Variants in EPB41L4B observed in about 807,000 individuals in gnomAD.
EPB41L4B encodes band 4.1-like protein 4B.
EPB41L4B carries 30 observed loss-of-function variants against 112.5 expected under a neutral mutation model. That is an observed-to-expected ratio of 0.27 (90% CI 0.20 to 0.36). EPB41L4B has a LOEUF of 0.36. EPB41L4B is among the 10% of genes least tolerant of loss of function. The pLI is 1.00. For missense variants in EPB41L4B, 1,024 were observed against 1,133.3 expected, an observed-to-expected ratio of 0.90 and a Z score of 1.38; for synonymous variants, 408 against 439.7, an observed-to-expected ratio of 0.93 and a Z score of 0.90.
chr9:109,189,692 G>A (rs933766760), intron 22 of EPB41L4B, among the ~76,000 whole-genome samples: 2 of 152,182 alleles, frequency 1.3e-5, no homozygotes, highest in Middle Eastern at 3.4e-3. Flanking sequence ...GCAATGGCGC[G>A]ATCTCGGCTC....
chr9:109,249,930 C>T lies in EPB41L4B; in HGVS notation c.1310+1551G>A, dbSNP rs73529375. 5.3e-3 allele frequency among the ~76,000 whole-genome samples: 806 copies of T among 152,234 alleles called. 5 individuals carry two copies. Among genetic ancestry groups the T allele is most frequent in the African/African-American group, 0.019 (785 of 41,530 alleles). ...AAAGTAGGATTTGGAATCAGAGATG[C>T]GAGGTTGAGTTTCCAGCTGTGTAAT... On this transcript the variant is annotated intron_variant, in intron 13 of 25. Coordinates refer to ENST00000374566, the MANE Select transcript of EPB41L4B (RefSeq NM_019114.5).
At chr9:109,308,623 T>C (rs1307638844) in intron 1 of EPB41L4B, among the ~76,000 whole-genome samples, 1 of 152,212 alleles carries the variant, frequency 6.6e-6, no homozygotes, top group East Asian at 1.9e-4. Flanking sequence ...TGAAGTCTTG[T>C]GATGTTGCCC....
rs186726654 is a variant in EPB41L4B at position 109,240,326 on chromosome 9, G to T, written c.1409+3292C>A. The T allele has an allele frequency of 4.1e-6, 4 of 985,416 alleles. No homozygotes were observed. The African/African-American group carries it at 7.0e-5, about 17-fold the overall frequency. The allele number at this position is 985,416 out of a possible 1,614,324, so 61.0% of individuals were successfully genotyped here. A position where few individuals can be genotyped will look rare whatever the true frequency, so the allele number is the denominator to read the frequency against. On this transcript the variant is annotated intron_variant, in intron 15 of 25. Coordinates refer to ENST00000374566, the MANE Select transcript of EPB41L4B (RefSeq NM_019114.5). ...CAAATGCCTTAGGGAGAGTTTATAG[G>T]TAGTCAGCTCCACTGTGCAAGGTAT... is the stretch of plus-strand genomic sequence containing the variant.
chr9:109,191,590 C>T (rs1832463146), intron 22 of EPB41L4B, among the ~76,000 whole-genome samples: 1 of 152,226 alleles, frequency 6.6e-6, no homozygotes. Flanking sequence ...CCTTTCTCAT[C>T]TCAGCCTGTT....
rs1462250908 is a variant in EPB41L4B, at chr9:109,173,532, T to C, written c.*1022A>G. ...CCCATGTTACATGGATATAAAGACATTTAAATTGGTGAGAGTAGAATCTGT... is the reference window on the plus strand; with the variant it reads ...CCCATGTTACATGGATATAAAGACACTTAAATTGGTGAGAGTAGAATCTGT... On this transcript the variant is annotated 3_prime_UTR_variant, in exon 26 of 26. Transcript: ENST00000374566. 6.6e-6 allele frequency: 1 copy of C among 152,486 alleles called. No homozygotes were observed. Among genetic ancestry groups the C allele is most frequent in the African/African-American group, 2.4e-5 (1 of 41,392 alleles). The allele number at this position is 152,486 out of a possible 1,614,324, so 9.4% of individuals were successfully genotyped here.
chr9:109,218,126 C>T lies in EPB41L4B; in HGVS notation c.1410-981G>A, dbSNP rs199909694. On this transcript the variant is annotated intron_variant, in intron 15 of 25. Coordinates refer to ENST00000374566, the MANE Select transcript of EPB41L4B (RefSeq NM_019114.5). The stretch of plus-strand genomic sequence containing the variant: ...GAATATATCTCTAATACTAATAATT[C>T]TTTTTTTTTTTTTTTTTTTGGCAGT... 4.6e-3 allele frequency among the ~76,000 whole-genome samples: 495 copies of T among 106,538 alleles called. 1 individual carries two copies. Among genetic ancestry groups the T allele is most frequent in the Middle Eastern group, 7.0e-3 (1 of 142 alleles). The allele number at this position is 106,538 out of a possible 152,430, so 69.9% of individuals were successfully genotyped here.
chr9:109,276,650 G>T (rs1243707104), intron 2 of EPB41L4B, among the ~76,000 whole-genome samples: 5 of 152,200 alleles, frequency 3.3e-5, no homozygotes, highest in Non-Finnish European at 5.9e-5. Flanking sequence ...CCTGTATCCT[G>T]CTGTGAACAC....
At chr9:109,182,871 C>G in intron 23 of EPB41L4B, 74 bp from the exon 24 acceptor site, 1 of 1,105,376 alleles carries the variant, frequency 9.0e-7, no homozygotes, top group Non-Finnish European at 1.4e-6. Flanking sequence ...GGCAGCGCAC[C>G]TTTAAAATGG....
chr9:109,302,357 T>C (rs1215312797), intron 1 of EPB41L4B, among the ~76,000 whole-genome samples: 2 of 152,220 alleles, frequency 1.3e-5, no homozygotes, highest in Admixed American at 6.5e-5. Context: ...CAGGTCTGTG[T>C]CCACATTTCT....
At chr9:109,283,884 C>T (rs1027481144) in intron 1 of EPB41L4B, among the ~76,000 whole-genome samples, 8 of 149,600 alleles carry the variant, frequency 5.3e-5, no homozygotes, top group Non-Finnish European at 1.0e-4. Context: ...GCCAGGAGTT[C>T]GAGATCAGCC....
chr9:109,258,392 G>T, intron 6 of EPB41L4B, 95 bp from the exon 7 acceptor site: 2 of 1,335,952 alleles, frequency 1.5e-6, no homozygotes, highest in Non-Finnish European at 2.1e-6. Context: ...TCATTATAAA[G>T]CACAGCCCCC....
At chr9:109,317,200 G>A (rs1837666285) in intron 1 of EPB41L4B, among the ~76,000 whole-genome samples, 1 of 152,158 alleles carries the variant, frequency 6.6e-6, no homozygotes, top group African/African-American at 2.4e-5. Flanking sequence ...AGAAACAATT[G>A]CAGCTACTTT....
Position 109,190,986 on chromosome 9 carries a change from C to T in EPB41L4B, c.2301+1292G>A, listed in dbSNP as rs553278396. On this transcript the variant is annotated intron_variant, in intron 22 of 25. Coordinates refer to ENST00000374566, the MANE Select transcript of EPB41L4B (RefSeq NM_019114.5). Reference sequence around the variant, plus strand: ...CATCCAGGACACTGACTTGCGGAGGCAGGCCTGGTCCCCTGAGATAGAGAC... The same window carrying T: ...CATCCAGGACACTGACTTGCGGAGGTAGGCCTGGTCCCCTGAGATAGAGAC... Among the ~76,000 whole-genome samples, 4 of 152,316 alleles carry T rather than the reference C, an allele frequency of 2.6e-5. No homozygotes were observed. The South Asian group carries it at 8.3e-4, about 32-fold the overall frequency.
chr9:109,215,762 G>A (rs2118829604), intron 16 of EPB41L4B, among the ~76,000 whole-genome samples: 1 of 152,156 alleles, frequency 6.6e-6, no homozygotes, highest in Non-Finnish European at 1.5e-5. Flanking sequence ...TAAAATAACG[G>A]ACATGCCGAA....
intron 6 of EPB41L4B, among the ~76,000 whole-genome samples, chr9:109,262,452 G>GTGTGTGTGTGTGTGT (rs34849317): frequency 1.3e-5 from 2 of 149,554 alleles, no homozygotes; most frequent in African/African-American, 4.9e-5. Context: ...TGTGTGTGGG[G>GTGTGTGTGTGTGTGT]GTGTGTGTGT....
intron 1 of EPB41L4B, chr9:109,307,164 T>TA (rs1837240301): frequency 2.3e-6 from 1 of 432,988 alleles, no homozygotes. Context: ...AACGACATGT[T>TA]ACAGTAATTC....
At chr9:109,279,073 T>A (rs534869768) in intron 2 of EPB41L4B, among the ~76,000 whole-genome samples, 1 of 152,294 alleles carries the variant, frequency 6.6e-6, no homozygotes, top group South Asian at 2.1e-4. Context: ...TAAGCCTGGC[T>A]GGCATTCAGC....
At chr9:109,312,615 GT>G (rs1417978717) in intron 1 of EPB41L4B, among the ~76,000 whole-genome samples, 1 of 152,040 alleles carries the variant, frequency 6.6e-6, no homozygotes, top group African/African-American at 2.4e-5. Context: ...TTCTTAACCT[GT>G]CTGCTAAACC....
chr9:109,252,408 C>G (rs947345647), intron 12 of EPB41L4B, among the ~76,000 whole-genome samples: 2 of 152,194 alleles, frequency 1.3e-5, no homozygotes, highest in African/African-American at 4.8e-5. Flanking sequence ...CATCGCCCTT[C>G]TCTGGACACG....
Sources: allele counts gnomAD v4.1 joint callset (sites outside exome capture counted in the v4.1 genomes callset), GRCh38; gene constraint gnomAD v4.1.1; transcripts MANE v1.5; gene names NCBI Gene and HGNC (gene_info 2026-07-23, HGNC 2026-07-21).